GREB1L: variants seen among roughly 807,000 people sequenced by gnomAD.
GREB1L encodes GREB1 like retinoic acid receptor coactivator.
A neutral mutation model predicts 200.8 loss-of-function variants in GREB1L; 17 were observed. The ratio of observed to expected loss-of-function variants is 0.08; its 90% CI spans 0.06 to 0.13. The LOEUF (loss-of-function observed/expected upper bound fraction) is 0.13. Ranked by LOEUF, GREB1L falls within the 10% of genes least tolerant of loss-of-function variation. The pLI is 1.00. For missense variants in GREB1L, 1,657 were observed against 2,367.7 expected, an observed-to-expected ratio of 0.70 and a Z score of 6.23; for synonymous variants, 789 against 893.0, an observed-to-expected ratio of 0.88 and a Z score of 2.08.
chr18:21,353,440 A>T (rs926477594), intron 1 of GREB1L, among the ~76,000 whole-genome samples: 1 of 152,048 alleles, frequency 6.6e-6, no homozygotes, highest in Non-Finnish European at 1.5e-5. Context: ...TGGGGGTACT[A>T]ATGTTTTACT....
chr18:21,468,224 A>T (rs1339585399), intron 15 of GREB1L, among the ~76,000 whole-genome samples: 1 of 152,214 alleles, frequency 6.6e-6, no homozygotes, highest in African/African-American at 2.4e-5. Flanking sequence ...TAAAGTATTG[A>T]TGCATACTAC....
intron 7 of GREB1L, among the ~76,000 whole-genome samples, chr18:21,426,235 T>C (rs924682857): frequency 1.3e-5 from 2 of 151,940 alleles, no homozygotes; most frequent in African/African-American, 4.8e-5. Context: ...TTTTTGTATT[T>C]TTGGTACAGA....
At chr18:21,473,821 G>A (rs760863611) in intron 16 of GREB1L, among the ~76,000 whole-genome samples, 15 of 152,154 alleles carry the variant, frequency 9.9e-5, no homozygotes, top group East Asian at 1.9e-4. Context: ...ACAGCTCCTC[G>A]TAGCTGGGGA....
intron 1 of GREB1L, among the ~76,000 whole-genome samples, chr18:21,298,599 T>C (rs1222830883): frequency 6.6e-6 from 1 of 152,214 alleles, no homozygotes; most frequent in Admixed American, 6.5e-5. Flanking sequence ...ATAGCTATTT[T>C]CAAGGGTGCT....
intron 7 of GREB1L, among the ~76,000 whole-genome samples, chr18:21,414,693 G>A (rs1381557813): frequency 6.6e-6 from 1 of 152,086 alleles, no homozygotes; most frequent in Non-Finnish European, 1.5e-5. Flanking sequence ...AAATGCTCAC[G>A]TATGTCAGAT....
intron 1 of GREB1L, among the ~76,000 whole-genome samples, chr18:21,361,270 C>G (rs1459393127): frequency 3.3e-5 from 5 of 152,166 alleles, no homozygotes; most frequent in Admixed American, 2.0e-4. Flanking sequence ...TAACTTATAA[C>G]AAAGAGAATC....
intron 3 of GREB1L, among the ~76,000 whole-genome samples, chr18:21,383,956 C>T (rs1182383481): frequency 1.3e-5 from 2 of 152,006 alleles, no homozygotes; most frequent in Non-Finnish European, 2.9e-5. Flanking sequence ...CCTCGTGATC[C>T]GCCCGCCTCC....
chr18:21,243,494 C>T (rs1364053562), intron 1 of GREB1L, among the ~76,000 whole-genome samples: 2 of 152,142 alleles, frequency 1.3e-5, no homozygotes, highest in African/African-American at 4.8e-5. Flanking sequence ...TTTTTTCCGC[C>T]TCCCCCCGCC....
intron 11 of GREB1L, among the ~76,000 whole-genome samples, chr18:21,447,847 T>C (rs1598856420): frequency 6.6e-6 from 1 of 152,172 alleles, no homozygotes; most frequent in Non-Finnish European, 1.5e-5. Context: ...AGAGCATCCC[T>C]CCACATTCCC....
intron 30 of GREB1L, among the ~76,000 whole-genome samples, chr18:21,517,450 C>G (rs1460285835): frequency 6.6e-6 from 1 of 152,086 alleles, no homozygotes; most frequent in Non-Finnish European, 1.5e-5. Context: ...CCTCTGCCTC[C>G]CGGGTTCAAG....
At chr18:21,295,740 G>T (rs1225976917) in intron 1 of GREB1L, among the ~76,000 whole-genome samples, 1 of 152,192 alleles carries the variant, frequency 6.6e-6, no homozygotes, top group African/African-American at 2.4e-5. Flanking sequence ...GTCTTTCAAG[G>T]AGGGCAGGAC....
At chr18:21,473,568 C>CA (rs1261372851) in intron 16 of GREB1L, among the ~76,000 whole-genome samples, 654 of 46,398 alleles carry the variant, frequency 0.014, 5 homozygotes, top group Middle Eastern at 0.02. Flanking sequence ...GACTTTGTCT[C>CA]AAAAAAAAAA....
chr18:21,297,292 T>C (rs906029454), intron 1 of GREB1L, among the ~76,000 whole-genome samples: 1 of 152,180 alleles, frequency 6.6e-6, no homozygotes, highest in Non-Finnish European at 1.5e-5. Context: ...GGGCTGGGCA[T>C]GAATTACAGG....
At chr18:21,397,222 C>T (rs1452552350) in intron 5 of GREB1L, among the ~76,000 whole-genome samples, 2 of 151,440 alleles carry the variant, frequency 1.3e-5, no homozygotes, top group African/African-American at 4.9e-5. Flanking sequence ...CGGCCTGGCA[C>T]GGTGGCTCAC....
At chr18:21,453,544 GTGTGTGGA>G (rs1272575758) in intron 14 of GREB1L, among the ~76,000 whole-genome samples, 16 of 152,346 alleles carry the variant, frequency 1.1e-4, no homozygotes, top group African/African-American at 3.8e-4. Context: ...CTTTCATTGT[GTGTGTGGA>G]TGTGCATGCA....
chr18:21,243,283 G>T (rs1337615806), intron 1 of GREB1L, among the ~76,000 whole-genome samples: 1 of 152,104 alleles, frequency 6.6e-6, no homozygotes, highest in Non-Finnish European at 1.5e-5. Context: ...TCCAAGGAAC[G>T]TCCCCGAACG....
chr18:21,342,645 C>A lies in GREB1L; in HGVS notation c.-119-23382C>A, dbSNP rs1331464998. Among the ~76,000 whole-genome samples the A allele has an allele frequency of 2.0e-5, 3 of 152,088 alleles. No homozygotes were observed. The East Asian group carries it at 5.8e-4, about 29-fold the overall frequency. ...GTCTTAACTAATGTGATTTGTTCTCCTAGGCTCTGCAGGTAGCCATGAGCC... is the reference window on the plus strand; with the variant it reads ...GTCTTAACTAATGTGATTTGTTCTCATAGGCTCTGCAGGTAGCCATGAGCC... On this transcript the variant is annotated intron_variant, in intron 1 of 32. Transcript: ENST00000424526.
At chr18:21,324,681 G>T (rs1414703051) in intron 1 of GREB1L, among the ~76,000 whole-genome samples, 6 of 152,168 alleles carry the variant, frequency 3.9e-5, no homozygotes, top group Admixed American at 3.3e-4. Context: ...ATGGCGGCAT[G>T]TGCCTGTAGT....
intron 4 of GREB1L, among the ~76,000 whole-genome samples, chr18:21,394,438 G>A (rs867108747): frequency 9.2e-5 from 14 of 152,290 alleles, no homozygotes; most frequent in Middle Eastern, 3.4e-3. Context: ...TGAGTTCTTG[G>A]AGGAAGTTAT....
Sources: gnomAD v4.1 joint callset for allele counts (sites outside exome capture counted in the v4.1 genomes callset) on GRCh38, gnomAD v4.1.1 for gene constraint, MANE v1.5 for transcripts, NCBI Gene and HGNC (gene_info 2026-07-23, HGNC 2026-07-21) for gene names.